The following PDZD2 variants were observed in gnomAD, a reference collection of about 807,000 sequenced individuals.
PDZD2 encodes PDZ domain containing 2.
PDZD2 carries 90 observed loss-of-function variants against 220.7 expected under a neutral mutation model. The observed-to-expected ratio is 0.41, with a 90% CI of 0.34 to 0.49. PDZD2 has a LOEUF of 0.49. PDZD2 is among the 20% of genes least tolerant of loss of function. The pLI is 0.28. For missense variants in PDZD2, 3,174 were observed against 3,608.5 expected (o/e 0.88, Z 3.08); for synonymous variants, 1,375 against 1,450.5 (o/e 0.95, Z 1.18).
At chr5:31,822,616 T>C in intron 2 of PDZD2, 1 of 1,293,736 alleles carries the variant, frequency 7.7e-7, no homozygotes, top group East Asian at 2.7e-5. Context: ...CATCCAAAAA[T>C]TTCCTGATAT....
chr5:31,689,276 C>CAT (rs1208395254), intron 1 of PDZD2, among the ~76,000 whole-genome samples: 3 of 71,356 alleles, frequency 4.2e-5, no homozygotes, highest in Non-Finnish European at 7.6e-5. Context: ...TACATATATA[C>CAT]ATATATATAC....
At chr5:31,974,001 GAC>G (rs1191884257) in intron 2 of PDZD2, among the ~76,000 whole-genome samples, 1 of 152,172 alleles carries the variant, frequency 6.6e-6, no homozygotes, top group Non-Finnish European at 1.5e-5. Context: ...TTTGTTTTGA[GAC>G]AGAGTCTCAC....
intron 1 of PDZD2, among the ~76,000 whole-genome samples, chr5:31,748,327 C>T (rs1750724882): frequency 6.6e-6 from 1 of 152,210 alleles, no homozygotes; most frequent in Non-Finnish European, 1.5e-5. Context: ...CTAGACCCGA[C>T]TTGCTCACAA....
intron 2 of PDZD2, among the ~76,000 whole-genome samples, chr5:31,817,540 A>G (rs547559106): frequency 6.6e-6 from 1 of 152,328 alleles, no homozygotes; most frequent in South Asian, 2.1e-4. Flanking sequence ...ACTTGAAGCT[A>G]TACTTCTGGC....
chr5:32,026,012 G>A (rs1436409717), intron 6 of PDZD2, among the ~76,000 whole-genome samples: 1 of 152,112 alleles, frequency 6.6e-6, no homozygotes, highest in Non-Finnish European at 1.5e-5. Context: ...TGAAAGATTT[G>A]TCTAAAAAAG....
intron 2 of PDZD2, among the ~76,000 whole-genome samples, chr5:31,906,077 A>G (rs1458214952): frequency 8.6e-6 from 1 of 116,794 alleles, no homozygotes; most frequent in African/African-American, 3.0e-5. Flanking sequence ...GCTGGAGTGC[A>G]GTGGCACCGT....
chr5:31,910,216 C>CTT (rs1561050652), intron 2 of PDZD2, among the ~76,000 whole-genome samples: 5 of 55,450 alleles, frequency 9.0e-5, no homozygotes, highest in Non-Finnish European at 1.4e-4. Flanking sequence ...AGAGTTCCTG[C>CTT]ATTTTTTTTT....
chr5:31,809,231 C>T (rs1041568581), intron 2 of PDZD2, among the ~76,000 whole-genome samples: 3 of 152,156 alleles, frequency 2.0e-5, no homozygotes, highest in African/African-American at 7.2e-5. Context: ...CTGTGAGGAT[C>T]TGAGGGCCGT....
chr5:31,777,419 G>T (rs1222256540), intron 1 of PDZD2, among the ~76,000 whole-genome samples: 2 of 144,028 alleles, frequency 1.4e-5, no homozygotes, highest in African/African-American at 5.0e-5. Flanking sequence ...GGGCTCCCAC[G>T]TGTCCGGAGC....
chr5:31,814,847 C>T (rs987526196), intron 2 of PDZD2, among the ~76,000 whole-genome samples: 2 of 151,544 alleles, frequency 1.3e-5, no homozygotes, highest in Non-Finnish European at 2.9e-5. Context: ...GAAAAAAAGA[C>T]CTGGAATCAA....
intron 2 of PDZD2, among the ~76,000 whole-genome samples, chr5:31,860,242 T>G (rs1737564543): frequency 6.6e-6 from 1 of 152,142 alleles, no homozygotes; most frequent in Non-Finnish European, 1.5e-5. Context: ...GCACACAGAT[T>G]GCAGAATTTC....
At chr5:31,708,878 T>G (rs2150137685) in intron 1 of PDZD2, among the ~76,000 whole-genome samples, 1 of 58,796 alleles carries the variant, frequency 1.7e-5, no homozygotes, top group Middle Eastern at 6.8e-3. Context: ...GCAAATGTGT[T>G]TTGTTTTTTT....
At chr5:31,768,891 G>A (rs1174247183) in intron 1 of PDZD2, among the ~76,000 whole-genome samples, 1 of 152,182 alleles carries the variant, frequency 6.6e-6, no homozygotes, top group Non-Finnish European at 1.5e-5. Context: ...TGGTAATACT[G>A]GGAATCCTTG....
chr5:31,844,291 T>C (rs10940973), intron 2 of PDZD2, among the ~76,000 whole-genome samples: 103,608 of 152,020 alleles, frequency 0.68, 36,323 homozygotes, highest in African/African-American at 0.86. Flanking sequence ...TAATTATAAA[T>C]GGAGTGAGAG....
At chr5:31,731,889 T>C (rs909921240) in intron 1 of PDZD2, among the ~76,000 whole-genome samples, 1 of 152,262 alleles carries the variant, frequency 6.6e-6, no homozygotes, top group African/African-American at 2.4e-5. Flanking sequence ...CTCAGTCATA[T>C]GGTTATTCTG....
chr5:32,006,681 CTTTT>C (rs76703572), intron 5 of PDZD2, among the ~76,000 whole-genome samples: 1 of 116,676 alleles, frequency 8.6e-6, no homozygotes, highest in East Asian at 2.2e-4. Context: ...GGCTCAACAC[CTTTT>C]TTTTTTTTTT....
At chr5:31,662,627 T>C (rs1180789704) in intron 1 of PDZD2, among the ~76,000 whole-genome samples, 1 of 152,192 alleles carries the variant, frequency 6.6e-6, no homozygotes, top group East Asian at 1.9e-4. Context: ...GGCAGCTCTC[T>C]TGGATCCCCT....
chr5:31,829,755 G>A (rs1756451553), intron 2 of PDZD2, among the ~76,000 whole-genome samples: 1 of 152,054 alleles, frequency 6.6e-6, no homozygotes, highest in Non-Finnish European at 1.5e-5. Flanking sequence ...ATAGCTGTAA[G>A]AACTTTCCTA....
chr5:31,777,401 C>A (rs1245644468), intron 1 of PDZD2, among the ~76,000 whole-genome samples: 1 of 152,226 alleles, frequency 6.6e-6, no homozygotes, highest in East Asian at 1.9e-4. Context: ...CGCCCCACCC[C>A]ACCCCGTGGG....
Sources: gnomAD v4.1 joint callset for allele counts (sites outside exome capture counted in the v4.1 genomes callset) on GRCh38, gnomAD v4.1.1 for gene constraint, MANE v1.5 for transcripts, NCBI Gene and HGNC (gene_info 2026-07-23, HGNC 2026-07-21) for gene names.